The following PCSK5 variants were observed in gnomAD, a reference collection of about 807,000 sequenced individuals.
PCSK5 encodes the protein proprotein convertase subtilisin/kexin type 5.
PCSK5 carries 129 observed loss-of-function variants against 233.2 expected under a neutral mutation model. The ratio of observed to expected loss-of-function variants is 0.55; its 90% CI spans 0.48 to 0.64. PCSK5 has a LOEUF of 0.64. PCSK5 is among the 30% of genes least tolerant of loss of function. PCSK5 has a pLI of 0.00. For synonymous variants in PCSK5, 825 were observed against 879.2 expected (o/e 0.94, Z 1.09); for missense variants, 2,076 against 2,430.1 (o/e 0.85, Z 3.06).
chr9:76,322,781 G>A (rs1047657586), intron 31 of PCSK5, among the ~76,000 whole-genome samples: 3 of 152,178 alleles, frequency 2.0e-5, no homozygotes, highest in African/African-American at 7.2e-5. Context: ...GTCTTTTGCA[G>A]CATTGCAAAT....
chr9:76,039,466 A>G (rs988779326), intron 5 of PCSK5, among the ~76,000 whole-genome samples: 1 of 152,222 alleles, frequency 6.6e-6, no homozygotes, highest in African/African-American at 2.4e-5. Flanking sequence ...GTACATACTC[A>G]TAGATTTCCA....
chr9:76,105,924 G>T (rs1216091982), intron 8 of PCSK5, among the ~76,000 whole-genome samples: 1 of 152,172 alleles, frequency 6.6e-6, no homozygotes, highest in Non-Finnish European at 1.5e-5. Context: ...TCCATGAGAG[G>T]TCATAAAAGA....
intron 12 of PCSK5, among the ~76,000 whole-genome samples, chr9:76,169,238 A>G (rs1268966515): frequency 6.6e-6 from 1 of 152,174 alleles, no homozygotes; most frequent in Non-Finnish European, 1.5e-5. Context: ...GTGTGAACAT[A>G]TGTCTTCATT....
chr9:75,928,610 TA>T (rs1823619583), intron 1 of PCSK5, among the ~76,000 whole-genome samples: 1 of 105,368 alleles, frequency 9.5e-6, no homozygotes, highest in Non-Finnish European at 1.9e-5. Flanking sequence ...TATATATATA[TA>T]TATATATATA....
intron 20 of PCSK5, among the ~76,000 whole-genome samples, chr9:76,223,982 C>T (rs1009798274): frequency 6.6e-6 from 1 of 152,132 alleles, no homozygotes; most frequent in African/African-American, 2.4e-5. Flanking sequence ...TAAACATCTA[C>T]GTAAATATGA....
intron 37 of PCSK5, 90 bp downstream of exon 37, chr9:76,354,309 G>A: frequency 3.9e-6 from 4 of 1,027,114 alleles, no homozygotes; most frequent in South Asian, 3.3e-5. Context: ...GAAAGTTCAG[G>A]AGAATCAATA....
At chr9:76,226,260 C>T (rs367600148) in intron 20 of PCSK5, among the ~76,000 whole-genome samples, 1 of 152,162 alleles carries the variant, frequency 6.6e-6, no homozygotes, top group Admixed American at 6.5e-5. Flanking sequence ...AAGGCAAACT[C>T]TAGTTGTCTC....
chr9:75,985,929 C>T (rs932335719), intron 2 of PCSK5, among the ~76,000 whole-genome samples: 1 of 152,030 alleles, frequency 6.6e-6, no homozygotes, highest in Non-Finnish European at 1.5e-5. Context: ...AAAACTAAAA[C>T]ACCTGCTTGC....
intron 21 of PCSK5, among the ~76,000 whole-genome samples, chr9:76,232,218 G>A (rs1483865473): frequency 6.6e-6 from 1 of 152,172 alleles, no homozygotes; most frequent in African/African-American, 2.4e-5. Flanking sequence ...TTCGTGTGGT[G>A]TCCAGCATAA....
At chr9:76,198,888 T>C (rs958729272) in intron 20 of PCSK5, among the ~76,000 whole-genome samples, 1 of 152,200 alleles carries the variant, frequency 6.6e-6, no homozygotes, top group Non-Finnish European at 1.5e-5. Context: ...CTCACTTCAC[T>C]AATCACGTGC....
In PCSK5 at chr9:76,291,835, T is replaced by C. The variant is rs533636236; in HGVS notation, c.3143-398T>C. On this transcript the variant is annotated intron_variant, in intron 24 of 37. Coordinates refer to ENST00000674117, the MANE Select transcript of PCSK5 (RefSeq NM_001372043.1). Reference sequence around the variant, plus strand: ...ATTGGCAAGATTCTTGGGTAACTGATGGAAAACCCTCTATTCAGGGTCAGA... The same window carrying C: ...ATTGGCAAGATTCTTGGGTAACTGACGGAAAACCCTCTATTCAGGGTCAGA... 2.6e-5 allele frequency among the ~76,000 whole-genome samples: 4 copies of C among 152,312 alleles called. No individual in the cohort carries two copies. In the East Asian group the frequency reaches 5.8e-4, roughly 22 times the overall value.
At chr9:75,957,186 C>A (rs1825131714) in intron 2 of PCSK5, among the ~76,000 whole-genome samples, 1 of 151,984 alleles carries the variant, frequency 6.6e-6, no homozygotes. Flanking sequence ...TAAGGGAAGC[C>A]CACCTTTTCA....
chr9:76,108,008 G>A (rs1832047633), intron 9 of PCSK5, among the ~76,000 whole-genome samples: 1 of 152,080 alleles, frequency 6.6e-6, no homozygotes, highest in Non-Finnish European at 1.5e-5. Flanking sequence ...CTAAATGCCA[G>A]GAAAACTGAA....
At chr9:76,172,904 G>T (rs945056920) in intron 13 of PCSK5, among the ~76,000 whole-genome samples, 1 of 152,144 alleles carries the variant, frequency 6.6e-6, no homozygotes, top group Non-Finnish European at 1.5e-5. Context: ...TACATAAACC[G>T]ATTGTACTGG....
At chr9:75,952,093 A>G (rs1824886834) in intron 2 of PCSK5, among the ~76,000 whole-genome samples, 1 of 152,182 alleles carries the variant, frequency 6.6e-6, no homozygotes, top group Non-Finnish European at 1.5e-5. Flanking sequence ...CTATGCACCT[A>G]TCCGTCTTTA....
chr9:76,350,106 C>A (rs1830078517), intron 35 of PCSK5, among the ~76,000 whole-genome samples: 1 of 69,972 alleles, frequency 1.4e-5, no homozygotes, highest in Admixed American at 1.9e-4. Context: ...AGCAAGACCC[C>A]ATCTGAAAAA....
chr9:76,167,907 G>C (rs1823153317), intron 12 of PCSK5, among the ~76,000 whole-genome samples: 1 of 152,102 alleles, frequency 6.6e-6, no homozygotes, highest in Admixed American at 6.5e-5. Flanking sequence ...GGACATGATT[G>C]CCCCTAAGAA....
chr9:76,102,462 A>T (rs1831803360), intron 8 of PCSK5, among the ~76,000 whole-genome samples: 1 of 152,226 alleles, frequency 6.6e-6, no homozygotes, highest in South Asian at 2.1e-4. Flanking sequence ...TCTCTAATAC[A>T]AAAATTCAAA....
intron 1 of PCSK5, among the ~76,000 whole-genome samples, chr9:75,893,840 G>T (rs2131179965): frequency 6.6e-6 from 1 of 152,312 alleles, no homozygotes; most frequent in Non-Finnish European, 1.5e-5. Context: ...AAAAAGATCA[G>T]CTATTCTACA....
Sources: gnomAD v4.1 joint callset for allele counts (sites outside exome capture counted in the v4.1 genomes callset) on GRCh38, gnomAD v4.1.1 for gene constraint, MANE v1.5 for transcripts, NCBI Gene and HGNC (gene_info 2026-07-23, HGNC 2026-07-21) for gene names.